Variants in MYH16 observed in about 807,000 individuals in gnomAD.
MYH16 encodes the protein myosin heavy chain 16.
chr7:99,277,924 A>G (rs1231706365), intron 21 of MYH16, among the ~76,000 whole-genome samples: 4 of 132,304 alleles, frequency 3.0e-5, no homozygotes, highest in Admixed American at 2.1e-4. Flanking sequence ...TGTGAGAGAG[A>G]GAGAGAGAGA....
At chr7:99,279,886 G>A (rs915904255) in intron 22 of MYH16, 149 bp downstream of exon 4, 15 of 356,096 alleles carry the variant, frequency 4.2e-5, no homozygotes, top group African/African-American at 2.1e-4. Context: ...TTTGTTTTGC[G>A]ACAGAGTCTC....
chr7:99,296,630 G>T, intron 33 of MYH16, 71 bp from the exon 15 acceptor site: 1 of 440,508 alleles, frequency 2.3e-6, no homozygotes, highest in East Asian at 7.1e-5. Context: ...AGAGAGGTTG[G>T]TGGGGGGGTG....
intron 6 of MYH16, among the ~76,000 whole-genome samples, chr7:99,251,756 G>A (rs1791810621): frequency 6.6e-6 from 1 of 152,168 alleles, no homozygotes; most frequent in African/African-American, 2.4e-5. Flanking sequence ...GATCCCTTGA[G>A]CCCAGGAGTT....
rs1428581484 is a variant in MYH16, at chr7:99,267,428, C to A, written n.2266+454C>A. Among the ~76,000 whole-genome samples, 9 of 152,148 alleles carry A rather than the reference C, an allele frequency of 5.9e-5. No individual in the cohort carries two copies. In the South Asian group the frequency reaches 1.9e-3, roughly 32 times the overall value. On this transcript the variant is annotated intron_variant and non_coding_transcript_variant, in intron 18 of 41. Transcript: ENST00000439784. ...AATTATTTGTAGAGATGGGGTCTCA[C>A]TCTGTTGCCCAGGCTAGTCTCAAAC...
chr7:99,309,754 C>T (rs1477074001), downstream of MYH16, among the ~76,000 whole-genome samples: 1 of 152,262 alleles, frequency 6.6e-6, no homozygotes, highest in Non-Finnish European at 1.5e-5. Context: ...TCTGTCACAG[C>T]AAGGATCTAC....
intron 39 of MYH16, among the ~76,000 whole-genome samples, 178 bp downstream of exon 20, chr7:99,303,368 C>A (rs1012843506): frequency 5.3e-5 from 8 of 152,248 alleles, no homozygotes; most frequent in African/African-American, 1.4e-4. Context: ...TCTAAAAAAG[C>A]CACACACGTG....
At chr7:99,284,847 G>A (rs1792255507) in exon 26 of MYH16, 1 of 456,548 alleles carries the variant, frequency 2.2e-6, no homozygotes, top group Non-Finnish European at 4.4e-6. Context: ...CCTTGCAGGA[G>A]GGATTTGGAA....
At chr7:99,256,202 G>C (rs1052317286) in intron 9 of MYH16, among the ~76,000 whole-genome samples, 24 of 143,714 alleles carry the variant, frequency 1.7e-4, no homozygotes, top group African/African-American at 5.9e-4. Flanking sequence ...GCTTTGGAAG[G>C]CTGAGGCAGG....
At chr7:99,275,720 G>A (rs1321195663) in intron 20 of MYH16, among the ~76,000 whole-genome samples, 1 of 152,108 alleles carries the variant, frequency 6.6e-6, no homozygotes, top group African/African-American at 2.4e-5. Context: ...GACAGAACAA[G>A]GTCCTGTTCT....
chr7:99,284,355 C>T (rs1029651578), intron 25 of MYH16, among the ~76,000 whole-genome samples: 4 of 152,114 alleles, frequency 2.6e-5, no homozygotes, highest in Admixed American at 6.5e-5. Flanking sequence ...CTTTGGGATG[C>T]GAAGGCAGGA....
At chr7:99,297,206 C>T (rs946744332) in intron 34 of MYH16, among the ~76,000 whole-genome samples, 1 of 151,424 alleles carries the variant, frequency 6.6e-6, no homozygotes, top group Non-Finnish European at 1.5e-5. Flanking sequence ...CTGAGGCGGG[C>T]GGATCACTTG....
chr7:99,300,773 T>G (rs1184677307), intron 37 of MYH16, among the ~76,000 whole-genome samples: 2 of 152,090 alleles, frequency 1.3e-5, no homozygotes, highest in Non-Finnish European at 2.9e-5. Context: ...ACCACTGCAC[T>G]CCAACCTGGG....
chr7:99,261,782 T>C (rs1791940058), intron 13 of MYH16: 1 of 152,380 alleles, frequency 6.6e-6, no homozygotes, highest in African/African-American at 2.4e-5. Flanking sequence ...AATCAGCCAA[T>C]TGAAGTGAGC....
intron 1 of MYH16, among the ~76,000 whole-genome samples, chr7:99,239,721 G>T (rs1475916864): frequency 6.6e-6 from 1 of 152,136 alleles, no homozygotes; most frequent in Non-Finnish European, 1.5e-5. Flanking sequence ...TTAAACCTTG[G>T]GTAGCTTGCT....
intron 23 of MYH16, among the ~76,000 whole-genome samples, chr7:99,283,058 T>G (rs1245665553): frequency 1.3e-5 from 2 of 152,120 alleles, no homozygotes; most frequent in Non-Finnish European, 2.9e-5. Context: ...CAGAGGAACC[T>G]CCAATCACTG....
intron 25 of MYH16, among the ~76,000 whole-genome samples, chr7:99,284,448 G>A (rs1473228188): frequency 6.6e-6 from 1 of 152,110 alleles, no homozygotes; most frequent in Non-Finnish European, 1.5e-5. Context: ...AATTAACTGG[G>A]CATGATGGAG....
In MYH16 at chr7:99,298,295, C is replaced by T. The variant is rs1485783921; in HGVS notation, n.4740+300C>T. Among the ~76,000 whole-genome samples, 9 of 150,318 alleles carry T rather than the reference C, an allele frequency of 6.0e-5. 1 individual carries two copies. The highest frequency in any genetic ancestry group is 2.2e-4 in the African/African-American group (9 of 40,732). On this transcript the variant is annotated intron_variant and non_coding_transcript_variant, in intron 36 of 41. Transcript: ENST00000439784. Reference sequence around the variant, plus strand: ...TTGCCTAGGCCACAGTATAGTGGTGCAATCCCAGCTCACTGCAACTTCCGC... The same window carrying T: ...TTGCCTAGGCCACAGTATAGTGGTGTAATCCCAGCTCACTGCAACTTCCGC...
At chr7:99,306,784 C>G (rs1792688665) in exon 42 of MYH16, 1 of 152,736 alleles carries the variant, frequency 6.5e-6, no homozygotes, top group Admixed American at 6.5e-5. Context: ...AAGACAGGCA[C>G]CTCGAAAACC....
chr7:99,264,667 C>A (rs1791970639), intron 15 of MYH16, among the ~76,000 whole-genome samples: 1 of 152,154 alleles, frequency 6.6e-6, no homozygotes, highest in African/African-American at 2.4e-5. Flanking sequence ...AGGAAGATGT[C>A]AACACTTTTC....
Sources: gnomAD v4.1 joint callset for allele counts (sites outside exome capture counted in the v4.1 genomes callset) on GRCh38, gnomAD v4.1.1 for gene constraint, MANE v1.5 for transcripts, NCBI Gene and HGNC (gene_info 2026-07-23, HGNC 2026-07-21) for gene names.